Variants in GPC5 observed in about 807,000 individuals in gnomAD.
GPC5 encodes the protein glypican-5.
GPC5 carries 47 observed loss-of-function variants against 53.9 expected under a neutral mutation model. The observed-to-expected ratio is 0.87, with a 90% CI of 0.69 to 1.11. The LOEUF is 1.11. Among genes scored for constraint, GPC5 ranks in the 50% most tolerant of loss-of-function variants. The pLI is 0.00. For synonymous variants in GPC5, 286 were observed against 263.3 expected (o/e 1.09, Z -0.84); for missense variants, 748 against 713.1 (o/e 1.05, Z -0.56).
At chr13:92,031,138 C>G (rs936506169) in intron 6 of GPC5, among the ~76,000 whole-genome samples, 1 of 152,102 alleles carries the variant, frequency 6.6e-6, no homozygotes, top group African/African-American at 2.4e-5. Flanking sequence ...CGCTTCTTAC[C>G]CATCCCCATT....
intron 2 of GPC5, among the ~76,000 whole-genome samples, chr13:91,587,229 G>T (rs2032631346): frequency 6.6e-6 from 1 of 152,036 alleles, no homozygotes; most frequent in African/African-American, 2.4e-5. Context: ...AAGATGAAAT[G>T]AGTTATTTAC....
chr13:91,463,957 G>A (rs1233727314), intron 2 of GPC5, among the ~76,000 whole-genome samples: 2 of 152,030 alleles, frequency 1.3e-5, no homozygotes, highest in African/African-American at 4.8e-5. Context: ...TTAAGAGAAT[G>A]AAAACACTGT....
intron 7 of GPC5, among the ~76,000 whole-genome samples, chr13:92,280,889 G>A (rs979275596): frequency 1.1e-4 from 17 of 152,220 alleles, no homozygotes; most frequent in East Asian, 3.9e-4. Context: ...GGGGCTTGTC[G>A]GACAGTGGGG....
At chr13:92,022,736 T>A (rs2040769368) in intron 6 of GPC5, among the ~76,000 whole-genome samples, 1 of 152,020 alleles carries the variant, frequency 6.6e-6, no homozygotes, top group Non-Finnish European at 1.5e-5. Context: ...ATAAAATAAC[T>A]TTAATCTGTA....
intron 6 of GPC5, among the ~76,000 whole-genome samples, chr13:92,018,872 A>G (rs1037431307): frequency 1.1e-4 from 16 of 152,118 alleles, no homozygotes; most frequent in African/African-American, 3.9e-4. Context: ...TTGAAACCCA[A>G]CACAAAAACT....
At chr13:91,499,231 G>T (rs1884485647) in intron 2 of GPC5, among the ~76,000 whole-genome samples, 1 of 152,104 alleles carries the variant, frequency 6.6e-6, no homozygotes, top group African/African-American at 2.4e-5. Context: ...AGAGGGTGTT[G>T]GGTATAAGGA....
chr13:91,500,892 A>G (rs1452824566), intron 2 of GPC5, among the ~76,000 whole-genome samples: 2 of 152,118 alleles, frequency 1.3e-5, no homozygotes, highest in East Asian at 1.9e-4. Context: ...ATGGTGGTGA[A>G]TAAATCTCAT....
At chr13:91,595,671 G>C (rs1172526450) in intron 2 of GPC5, among the ~76,000 whole-genome samples, 2 of 152,072 alleles carry the variant, frequency 1.3e-5, no homozygotes, top group African/African-American at 4.8e-5. Context: ...GTTCTAGTTT[G>C]TTTTATATTT....
At chr13:92,723,904 T>G (rs1888568982) in intron 7 of GPC5, among the ~76,000 whole-genome samples, 1 of 151,596 alleles carries the variant, frequency 6.6e-6, no homozygotes, top group South Asian at 2.1e-4. Flanking sequence ...TTGGAAAAAA[T>G]CTACCCCTTT....
At chr13:92,609,511 T>G (rs1884365839) in intron 7 of GPC5, among the ~76,000 whole-genome samples, 1 of 152,118 alleles carries the variant, frequency 6.6e-6, no homozygotes, top group Non-Finnish European at 1.5e-5. Context: ...TACTATTCAA[T>G]GTGTAAGCAA....
chr13:91,802,009 A>G (rs1252514106), intron 5 of GPC5, among the ~76,000 whole-genome samples: 2 of 151,676 alleles, frequency 1.3e-5, no homozygotes, highest in Non-Finnish European at 2.9e-5. Flanking sequence ...TACTAAACAT[A>G]TAAGCATTCA....
At chr13:92,026,718 AATT>A (rs2040803869) in intron 6 of GPC5, among the ~76,000 whole-genome samples, 1 of 152,080 alleles carries the variant, frequency 6.6e-6, no homozygotes, top group Non-Finnish European at 1.5e-5. Flanking sequence ...ATTAATGAAA[AATT>A]ATTATTGGTG....
intron 7 of GPC5, among the ~76,000 whole-genome samples, chr13:92,504,743 T>G (rs1435414856): frequency 6.6e-6 from 1 of 151,870 alleles, no homozygotes; most frequent in Non-Finnish European, 1.5e-5. Context: ...AGGATAGACT[T>G]TTCAACAAAT....
At chr13:92,085,188 G>A (rs2041326509) in intron 6 of GPC5, among the ~76,000 whole-genome samples, 1 of 152,252 alleles carries the variant, frequency 6.6e-6, no homozygotes, top group African/African-American at 2.4e-5. Context: ...ACCATAGCAC[G>A]AGTCGATATG....
rs553599997 is a variant in GPC5, at chr13:92,222,948, T to C, written c.1561+77959T>C. On this transcript the variant is annotated intron_variant, in intron 7 of 7. Transcript: ENST00000377067. ...GGCTGCAGAATATGTTTTCATGCTG[T>C]ATACAAAATTAAGTTGTTTTAGGTT... Among the ~76,000 whole-genome samples, 8 of 152,302 alleles carry C rather than the reference T, an allele frequency of 5.3e-5. No homozygotes were observed. The South Asian group carries it at 1.4e-3, about 28-fold the overall frequency.
chr13:91,704,314 T>C (rs985661735), intron 3 of GPC5, among the ~76,000 whole-genome samples: 1 of 152,222 alleles, frequency 6.6e-6, no homozygotes, highest in Non-Finnish European at 1.5e-5. Flanking sequence ...TCTATACTCT[T>C]TTGGTTTCCA....
At chr13:91,806,277 CA>C (rs2038219727) in intron 5 of GPC5, among the ~76,000 whole-genome samples, 1 of 151,790 alleles carries the variant, frequency 6.6e-6, no homozygotes, top group Non-Finnish European at 1.5e-5. Flanking sequence ...CTAGACAATC[CA>C]CCCACCTTGG....
chr13:91,921,215 G>A lies in GPC5; in HGVS notation c.1401+13158G>A, dbSNP rs184705845. Among the ~76,000 whole-genome samples, 720 of 152,018 alleles carry A rather than the reference G, an allele frequency of 4.7e-3. 4 individuals carry two copies. Among genetic ancestry groups the A allele is most frequent in the Middle Eastern group, 0.01 (3 of 294 alleles). ...GCCTCCCAGAGTGTTGGGATTATAGGCATGAGCCGTCACTCCCGGACCAAT... is the reference window on the plus strand; with the variant it reads ...GCCTCCCAGAGTGTTGGGATTATAGACATGAGCCGTCACTCCCGGACCAAT... On this transcript the variant is annotated intron_variant, in intron 6 of 7. Transcript: ENST00000377067.
intron 7 of GPC5, among the ~76,000 whole-genome samples, chr13:92,619,441 A>T (rs1265749914): frequency 1.3e-5 from 2 of 151,968 alleles, no homozygotes; most frequent in African/African-American, 2.4e-5. Flanking sequence ...TCTTAGGTTA[A>T]CACACTCTTT....
Sources: gnomAD v4.1 joint callset for allele counts (sites outside exome capture counted in the v4.1 genomes callset) on GRCh38, gnomAD v4.1.1 for gene constraint, MANE v1.5 for transcripts, NCBI Gene and HGNC (gene_info 2026-07-23, HGNC 2026-07-21) for gene names.